The following CCDC192 variants were observed in gnomAD, a reference collection of about 807,000 sequenced individuals.
The protein encoded by CCDC192 is coiled-coil domain-containing protein 192.
At chr5:127,798,212 T>A in intron 5 of CCDC192, 50 bp downstream of exon 5, 2 of 397,764 alleles carry the variant, frequency 5.0e-6, no homozygotes, top group Non-Finnish European at 8.9e-6. Context: ...CATTGTTAGC[T>A]TGGAAATGAA....
intron 5 of CCDC192, among the ~76,000 whole-genome samples, chr5:127,866,448 A>C (rs1751618241): frequency 6.7e-6 from 1 of 148,432 alleles, no homozygotes; most frequent in African/African-American, 2.5e-5. Flanking sequence ...CCTCTACAAA[A>C]CCATTTTTTG....
At chr5:127,913,543 A>G (rs1306880594) in intron 6 of CCDC192, among the ~76,000 whole-genome samples, 1 of 152,188 alleles carries the variant, frequency 6.6e-6, no homozygotes, top group Non-Finnish European at 1.5e-5. Flanking sequence ...AGATTTTTAA[A>G]CCCAGCTGCA....
At chr5:127,719,627 G>C (rs1751891449) in intron 2 of CCDC192, among the ~76,000 whole-genome samples, 1 of 148,446 alleles carries the variant, frequency 6.7e-6, no homozygotes, top group African/African-American at 2.5e-5. Context: ...TATTTTTTGA[G>C]AAAACTCCTG....
intron 5 of CCDC192, among the ~76,000 whole-genome samples, chr5:127,865,108 C>T (rs1751551171): frequency 6.6e-6 from 1 of 152,110 alleles, no homozygotes; most frequent in Non-Finnish European, 1.5e-5. Flanking sequence ...GATCACGACA[C>T]TGCACTCCAG....
intron 3 of CCDC192, among the ~76,000 whole-genome samples, chr5:127,766,654 A>G (rs1236412586): frequency 6.8e-6 from 1 of 146,474 alleles, no homozygotes; most frequent in Non-Finnish European, 1.5e-5. Flanking sequence ...CTAAAGTTTC[A>G]CTTACTCGAA....
chr5:127,739,480 TTTG>T (rs1257405557), intron 2 of CCDC192: 3 of 157,414 alleles, frequency 1.9e-5, no homozygotes, highest in Non-Finnish European at 4.1e-5. Context: ...TCCGGGCTGC[TTTG>T]TTTACCTAAT....
At chr5:127,781,673 G>A (rs1270077320) in intron 3 of CCDC192, among the ~76,000 whole-genome samples, 1 of 149,380 alleles carries the variant, frequency 6.7e-6, no homozygotes, top group Non-Finnish European at 1.5e-5. Flanking sequence ...CTACTGATTT[G>A]TGTACACTAA....
At chr5:127,899,131 T>C (rs1159651779) in intron 6 of CCDC192, among the ~76,000 whole-genome samples, 1 of 152,176 alleles carries the variant, frequency 6.6e-6, no homozygotes, top group Non-Finnish European at 1.5e-5. Context: ...GAGCAAAAGT[T>C]AGGAATTACA....
intron 2 of CCDC192, among the ~76,000 whole-genome samples, chr5:127,737,118 T>C (rs1269878070): frequency 6.6e-6 from 1 of 151,794 alleles, no homozygotes; most frequent in African/African-American, 2.4e-5. Context: ...CCAGAGATTC[T>C]GGTATGTTGT....
chr5:127,703,295 T>C, upstream of CCDC192: 1 of 394,036 alleles, frequency 2.5e-6, no homozygotes, highest in Non-Finnish European at 4.5e-6. Flanking sequence ...GAGATTTTTT[T>C]CTTTGGGAAG....
At chr5:127,919,330 A>G (rs1251880340) in intron 6 of CCDC192, among the ~76,000 whole-genome samples, 1 of 152,190 alleles carries the variant, frequency 6.6e-6, no homozygotes, top group Non-Finnish European at 1.5e-5. Context: ...ATCATACCAC[A>G]GGACAAACTA....
chr5:127,897,064 T>C (rs75746419), intron 6 of CCDC192, among the ~76,000 whole-genome samples: 41,694 of 151,722 alleles, frequency 0.27, 5,946 homozygotes, highest in African/African-American at 0.34. Context: ...TCTCTCTCTT[T>C]TTTTTTTTAA....
intron 2 of CCDC192, among the ~76,000 whole-genome samples, chr5:127,718,860 T>C (rs554797705): frequency 1.3e-5 from 2 of 152,272 alleles, no homozygotes; most frequent in African/African-American, 4.8e-5. Flanking sequence ...GATAAATGGG[T>C]ACCCATCACC....
chr5:127,795,543 A>G (rs548002023), intron 3 of CCDC192, among the ~76,000 whole-genome samples: 18 of 152,218 alleles, frequency 1.2e-4, no homozygotes, highest in Admixed American at 7.9e-4. Context: ...AGGTAGGTCA[A>G]GTAACTTGCT....
At chr5:127,707,403 C>A (rs1415548635) in intron 1 of CCDC192, among the ~76,000 whole-genome samples, 1 of 87,946 alleles carries the variant, frequency 1.1e-5, no homozygotes, top group Non-Finnish European at 2.4e-5. Context: ...TTTCCTCTCC[C>A]CACTTTTTTT....
chr5:127,892,616 C>G (rs1387257019), intron 6 of CCDC192, among the ~76,000 whole-genome samples: 1 of 152,118 alleles, frequency 6.6e-6, no homozygotes, highest in African/African-American at 2.4e-5. Context: ...TCTAGTAGTT[C>G]ACTTGGCAAC....
intron 3 of CCDC192, among the ~76,000 whole-genome samples, chr5:127,757,779 C>CAG (rs1754682253): frequency 1.1e-5 from 1 of 89,302 alleles, no homozygotes; most frequent in Non-Finnish European, 2.4e-5. Flanking sequence ...CACACACACA[C>CAG]ACACACACAC....
chr5:127,786,834 G>A (rs1756567557), intron 3 of CCDC192: 6 of 528,700 alleles, frequency 1.1e-5, no homozygotes, highest in Non-Finnish European at 2.1e-5. Context: ...CCCCTTTTTT[G>A]ATGTAGAAAC....
At chr5:127,881,120 G>C (rs1411237520) in intron 6 of CCDC192, among the ~76,000 whole-genome samples, 1 of 152,114 alleles carries the variant, frequency 6.6e-6, no homozygotes, top group Non-Finnish European at 1.5e-5. Context: ...ATCTCCAGTG[G>C]TATAATTTCA....
Sources: allele counts gnomAD v4.1 joint callset (sites outside exome capture counted in the v4.1 genomes callset), GRCh38; gene constraint gnomAD v4.1.1; transcripts MANE v1.5; gene names NCBI Gene and HGNC (gene_info 2026-07-23, HGNC 2026-07-21).